The following POPDC1 variants were observed in gnomAD, a reference collection of about 807,000 sequenced individuals.
POPDC1 encodes the protein popeye domain cAMP effector 1, also known as popeye domain-containing protein 1.
At chr6:105,129,221 T>G in the POPDC1 span, among the ~76,000 whole-genome samples, 1 of 55,652 alleles carries the variant, frequency 1.8e-5, no homozygotes, top group Non-Finnish European at 4.8e-5. Context: ...ACTAAAATGT[T>G]TCACTTTCAG....
chr6:105,130,520 A>C, the POPDC1 span, among the ~76,000 whole-genome samples: 1 of 152,178 alleles, frequency 6.6e-6, no homozygotes, highest in Admixed American at 6.5e-5. Flanking sequence ...TTGCAATCCT[A>C]CTAGTTAGAA....
the POPDC1 span, chr6:105,100,584 G>T: frequency 6.8e-6 from 1 of 146,824 alleles, no homozygotes. Context: ...GTATGTATGT[G>T]TGTGTGTGTG....
At chr6:105,117,058 T>A in the POPDC1 span, among the ~76,000 whole-genome samples, 2 of 152,212 alleles carry the variant, frequency 1.3e-5, no homozygotes, top group African/African-American at 4.8e-5. Flanking sequence ...AAAAAAGCAA[T>A]CTGCAGACTA....
the POPDC1 span, among the ~76,000 whole-genome samples, chr6:105,120,191 G>A: frequency 4.0e-4 from 2 of 5,042 alleles, 1 homozygote; most frequent in East Asian, 0.014. Context: ...CCCGGGAGGC[G>A]GAGCTTGCAG....
At chr6:105,126,093 G>A in the POPDC1 span, among the ~76,000 whole-genome samples, 1 of 152,020 alleles carries the variant, frequency 6.6e-6, no homozygotes, top group East Asian at 1.9e-4. Flanking sequence ...GGGCGTGGTG[G>A]CATGCACCTG....
At chr6:105,118,698 A>G in the POPDC1 span, among the ~76,000 whole-genome samples, 1 of 152,212 alleles carries the variant, frequency 6.6e-6, no homozygotes, top group African/African-American at 2.4e-5. Flanking sequence ...TGACAATAGC[A>G]CATAATGCCA....
the POPDC1 span, chr6:105,115,923 C>T: frequency 1.6e-6 from 2 of 1,282,502 alleles, no homozygotes; most frequent in Non-Finnish European, 2.1e-6. Flanking sequence ...TACGTTAGTG[C>T]ATTTAAAAAA....
the POPDC1 span, chr6:105,100,255 A>T: frequency 1.3e-5 from 2 of 151,782 alleles, no homozygotes; most frequent in Non-Finnish European, 2.9e-5. Flanking sequence ...CACGCCTGTA[A>T]TCCCAGCACT....
the POPDC1 span, chr6:105,133,391 G>A: frequency 1.9e-6 from 3 of 1,613,680 alleles, no homozygotes; most frequent in Non-Finnish European, 2.5e-6. Flanking sequence ...ATATGAAGGT[G>A]AAGAGTAGTT....
chr6:105,125,542 G>A, the POPDC1 span: 2 of 1,613,958 alleles, frequency 1.2e-6, no homozygotes, highest in Non-Finnish European at 1.7e-6. Context: ...TCAAACAATC[G>A]CCGGTACATG....
the POPDC1 span, among the ~76,000 whole-genome samples, chr6:105,135,471 TAATC>T: frequency 8.5e-5 from 13 of 152,186 alleles, no homozygotes; most frequent in Admixed American, 8.5e-4. Flanking sequence ...CACATTTACA[TAATC>T]AATCAATCAA....
At chr6:105,128,945 T>C in the POPDC1 span, among the ~76,000 whole-genome samples, 7 of 152,156 alleles carry the variant, frequency 4.6e-5, no homozygotes, top group Non-Finnish European at 8.8e-5. Context: ...GTGACTTCCT[T>C]AGATGAATAT....
chr6:105,133,575 C>A, the POPDC1 span: 1 of 1,569,846 alleles, frequency 6.4e-7, no homozygotes, highest in South Asian at 1.2e-5. Flanking sequence ...CTGTATAATT[C>A]ATTTTGAAAA....
the POPDC1 span, chr6:105,097,326 G>T: frequency 6.6e-6 from 1 of 152,238 alleles, no homozygotes; most frequent in Non-Finnish European, 1.5e-5. Context: ...AGGAAACCAA[G>T]GCATGCCAGG....
At chr6:105,115,702 G>A in the POPDC1 span, 3 of 1,614,118 alleles carry the variant, frequency 1.9e-6, no homozygotes, top group Non-Finnish European at 1.7e-6. Context: ...AGGACATGCT[G>A]GAGGTACCCC....
At chr6:105,110,037 A>T in the POPDC1 span, among the ~76,000 whole-genome samples, 2 of 152,174 alleles carry the variant, frequency 1.3e-5, no homozygotes, top group African/African-American at 4.8e-5. Context: ...CAGGTAAGAA[A>T]ATGCTGTGTG....
the POPDC1 span, chr6:105,100,507 C>T: frequency 4.5e-5 from 6 of 133,688 alleles, no homozygotes; most frequent in Admixed American, 4.4e-4. Flanking sequence ...GAAACTCCAT[C>T]TCAAAAAAAA....
chr6:105,122,555 G>A, the POPDC1 span, among the ~76,000 whole-genome samples: 3 of 152,114 alleles, frequency 2.0e-5, no homozygotes, highest in Non-Finnish European at 4.4e-5. Context: ...AACAAAGCAG[G>A]TTCAATTCCC....
chr6:105,114,493 A>AC, the POPDC1 span, among the ~76,000 whole-genome samples: 2 of 152,140 alleles, frequency 1.3e-5, no homozygotes, highest in Non-Finnish European at 2.9e-5. Context: ...CAAAGTTACA[A>AC]ATCATTTACA....
Sources: gnomAD v4.1 joint callset for allele counts (sites outside exome capture counted in the v4.1 genomes callset) on GRCh38, gnomAD v4.1.1 for gene constraint, MANE v1.5 for transcripts, NCBI Gene and HGNC (gene_info 2026-07-23, HGNC 2026-07-21) for gene names.